CPLX1: variants seen among roughly 807,000 people sequenced by gnomAD.
CPLX1 encodes complexin 1, also known as complexin-1.
Under a neutral mutation model 15.6 loss-of-function variants are expected in CPLX1, and 6 were observed. The ratio of observed to expected loss-of-function variants is 0.39; its 90% CI spans 0.21 to 0.76. CPLX1 has a LOEUF of 0.76. Ranked by LOEUF, CPLX1 falls within the 30% of genes least tolerant of loss-of-function variation. The pLI is 0.43. For synonymous variants in CPLX1, 91 were observed against 75.2 expected, an observed-to-expected ratio of 1.21 and a Z score of -1.08; for missense variants, 242 against 188.6, an observed-to-expected ratio of 1.28 and a Z score of -1.66.
intron 2 of CPLX1, among the ~76,000 whole-genome samples, chr4:793,785 C>T (rs1203261858): frequency 6.6e-6 from 1 of 152,242 alleles, no homozygotes; most frequent in Non-Finnish European, 1.5e-5. Context: ...TGGCTCTGCC[C>T]CCTCCTTGAA....
intron 1 of CPLX1, among the ~76,000 whole-genome samples, chr4:825,408 G>A (rs1159295515): frequency 6.6e-6 from 1 of 151,838 alleles, no homozygotes; most frequent in Non-Finnish European, 1.5e-5. Context: ...TGGGAGGGCG[G>A]CGGGCGGGGA....
intron 2 of CPLX1, among the ~76,000 whole-genome samples, chr4:795,505 C>T (rs543381705): frequency 5.6e-4 from 86 of 152,344 alleles, no homozygotes; most frequent in African/African-American, 1.9e-3. Context: ...GACACCCCGA[C>T]TCTGATTGCA....
intron 1 of CPLX1, among the ~76,000 whole-genome samples, chr4:825,315 C>A (rs1245875126): frequency 6.6e-6 from 1 of 152,186 alleles, no homozygotes; most frequent in Non-Finnish European, 1.5e-5. Flanking sequence ...TCTCTCCTAT[C>A]GGGGAACCCC....
intron 3 of CPLX1, among the ~76,000 whole-genome samples, chr4:790,708 G>C (rs555175268): frequency 1.3e-5 from 2 of 151,996 alleles, no homozygotes; most frequent in African/African-American, 4.8e-5. Context: ...CTGGATACAC[G>C]GACCCACACA....
intron 2 of CPLX1, among the ~76,000 whole-genome samples, chr4:794,012 T>G (rs1746261495): frequency 6.6e-6 from 1 of 152,202 alleles, no homozygotes; most frequent in Non-Finnish European, 1.5e-5. Flanking sequence ...CCCTCGCCAT[T>G]ACTATGCTGA....
At chr4:824,430 G>T in intron 2 of CPLX1, 62 bp downstream of exon 2, 1 of 1,452,582 alleles carries the variant, frequency 6.9e-7, no homozygotes, top group Non-Finnish European at 9.7e-7. Flanking sequence ...ATGAGGAGCA[G>T]CTGCTGTGGT....
intron 3 of CPLX1, chr4:787,355 T>C: frequency 2.0e-6 from 2 of 985,406 alleles, no homozygotes; most frequent in Non-Finnish European, 2.4e-6. Context: ...GTTTCTCATC[T>C]CCCGTGAGTG....
At chr4:797,814 T>C (rs539291162) in intron 2 of CPLX1, among the ~76,000 whole-genome samples, 9 of 152,136 alleles carry the variant, frequency 5.9e-5, no homozygotes, top group Admixed American at 2.6e-4. Flanking sequence ...GCGCCTGTAG[T>C]CCCAGCTACT....
rs543045931 is a variant in CPLX1 at position 794,942 on chromosome 4, T to C, written c.32-2334A>G. On this transcript the variant is annotated intron_variant, in intron 2 of 3. Transcript: ENST00000304062. ...CTGCGCTCTGCTCCAGGGGTGCCTG[T>C]GGGGGGCCCTCCCGCTCTGAGAGTG... Among the ~76,000 whole-genome samples, 842 of 152,278 alleles carry C rather than the reference T, an allele frequency of 5.5e-3. 5 individuals carry two copies. The highest frequency in any genetic ancestry group is 0.019 in the African/African-American group (805 of 41,568).
Position 786,565 on chromosome 4 carries a change from T to C in CPLX1, c.341A>G (p.Glu114Gly). ...GCGDEVEEED[E>G]SILDTVIKYL... is the part of the protein sequence containing the mutation. The stretch of plus-strand genomic sequence containing the variant: ...CTTGATGACGGTGTCCAGGATGCTC[T>C]CGTCCTCCTCCTCCACCTCGTCCCC... The change falls in exon 4 of 4, where the codon GAG becomes GGG. Residue 114 changes from glutamate (E) to glycine (G), a missense_variant. Glu to Gly is a moderately conservative substitution (Grantham distance 98). Transcript: ENST00000304062. The C allele has an allele frequency of 1.2e-6, 2 of 1,609,822 alleles. No individual in the cohort carries two copies. The highest frequency in any genetic ancestry group is 1.7e-6 in the Non-Finnish European group (2 of 1,178,338).
intron 2 of CPLX1, among the ~76,000 whole-genome samples, chr4:796,160 A>G (rs1746334026): frequency 6.6e-6 from 1 of 152,252 alleles, no homozygotes; most frequent in South Asian, 2.1e-4. Context: ...TACATAATGT[A>G]TATGTAAATA....
chr4:818,858 G>A (rs763564534), intron 2 of CPLX1, among the ~76,000 whole-genome samples: 1 of 152,250 alleles, frequency 6.6e-6, no homozygotes, highest in African/African-American at 2.4e-5. Context: ...GGCCAAGGAC[G>A]GTGCTGGACT....
At chr4:791,496 G>C (rs766218205) in intron 3 of CPLX1, among the ~76,000 whole-genome samples, 18 of 152,156 alleles carry the variant, frequency 1.2e-4, no homozygotes, top group Non-Finnish European at 2.5e-4. Context: ...AGGAGCTCCA[G>C]CTTCCCCACA....
intron 2 of CPLX1, among the ~76,000 whole-genome samples, chr4:814,223 T>A (rs1746709434): frequency 6.6e-6 from 1 of 152,180 alleles, no homozygotes; most frequent in Admixed American, 6.5e-5. Flanking sequence ...TGCCTGATTT[T>A]TTTTTTTTAA....
intron 2 of CPLX1, among the ~76,000 whole-genome samples, chr4:797,617 A>C (rs911560583): frequency 1.4e-5 from 2 of 146,182 alleles, no homozygotes; most frequent in Admixed American, 6.8e-5. Context: ...TGAGCCACTG[A>C]GCCTGGCCAC....
In CPLX1 at chr4:800,578, G is replaced by GTGTA. The variant is rs1334723414; in HGVS notation, c.32-7971_32-7970insTACA. Among the ~76,000 whole-genome samples the GTGTA allele has an allele frequency of 1.1e-4, 15 of 130,446 alleles. No homozygotes were observed. The South Asian group carries it at 1.4e-3, about 13-fold the overall frequency. 85.6% of individuals were successfully genotyped at this position (130,446 alleles called of 152,430 possible). ...TATATAAATATATGTGTGTGTGTGT[G>GTGTA]TATATATATGTATATATATATATAT... is the stretch of plus-strand genomic sequence containing the variant. On this transcript the variant is annotated intron_variant, in intron 2 of 3. Transcript: ENST00000304062.
intron 2 of CPLX1, among the ~76,000 whole-genome samples, chr4:797,373 G>A (rs1039988373): frequency 6.6e-6 from 1 of 152,158 alleles, no homozygotes; most frequent in African/African-American, 2.4e-5. Flanking sequence ...TGTCGCCCAA[G>A]CTAGAGTGCA....
In CPLX1 at chr4:785,778, CGCGTGGGCGGA is replaced by C. The variant is rs976274160; in HGVS notation, c.*712_*722del. 1 of 151,872 alleles carries C rather than the reference CGCGTGGGCGGA, an allele frequency of 6.6e-6. No homozygotes were observed. The highest frequency in any genetic ancestry group is 1.5e-5 in the Non-Finnish European group (1 of 68,064). 9.4% of individuals were successfully genotyped at this position (151,872 alleles called of 1,614,324 possible). A position where few individuals can be genotyped will look rare whatever the true frequency, so the allele number is the denominator to read the frequency against. ...GTCCTCCCCAGGGAGAAGCAGCAGC[CGCGTGGGCGGA>C]GAGGCTAGGAGGCCGGGCGGGGGGC... On this transcript the variant is annotated 3_prime_UTR_variant, in exon 4 of 4. Transcript: ENST00000304062.
chr4:809,594 G>A (rs758318209), intron 2 of CPLX1, among the ~76,000 whole-genome samples: 2 of 152,256 alleles, frequency 1.3e-5, no homozygotes, highest in Non-Finnish European at 2.9e-5. Context: ...ACAAAGGTAG[G>A]CGTCCTCCGT....
Sources: gnomAD v4.1 joint callset for allele counts (sites outside exome capture counted in the v4.1 genomes callset) on GRCh38, gnomAD v4.1.1 for gene constraint, MANE v1.5 for transcripts, NCBI Gene and HGNC (gene_info 2026-07-23, HGNC 2026-07-21) for gene names.